The following CYB5A variants were observed in gnomAD, a reference collection of about 807,000 sequenced individuals.
CYB5A encodes cytochrome b5.
Under a neutral mutation model 16.2 loss-of-function variants are expected in CYB5A, and 10 were observed. The observed-to-expected ratio is 0.62, with a 90% confidence interval of 0.38 to 1.04. CYB5A has a LOEUF of 1.04. CYB5A is among the 50% of genes least tolerant of loss of function. The pLI is 0.01. For synonymous variants in CYB5A, 62 were observed against 57.0 expected (o/e 1.09, Z -0.40); for missense variants, 161 against 165.9 (o/e 0.97, Z 0.16).
chr18:74,274,451 C>T (rs754382852), intron 1 of CYB5A, among the ~76,000 whole-genome samples: 7 of 152,138 alleles, frequency 4.6e-5, no homozygotes, highest in Non-Finnish European at 1.0e-4. Context: ...CTACTTGATA[C>T]AGATGATTTC....
At chr18:74,262,537 AT>A (rs1209757765) in intron 2 of CYB5A, among the ~76,000 whole-genome samples, 1 of 152,106 alleles carries the variant, frequency 6.6e-6, no homozygotes, top group East Asian at 1.9e-4. Context: ...CAGAGCTGAT[AT>A]TCTCGAAGGT....
chr18:74,291,947 C>A lies in CYB5A; in HGVS notation c.-72G>T, dbSNP rs1983568460. 3.1e-6 allele frequency: 5 copies of A among 1,600,036 alleles called. No homozygotes were observed. Among genetic ancestry groups the A allele is most frequent in the Middle Eastern group, 2.1e-4 (1 of 4,724 alleles). ...GGAGCAGAGCGCGCGACTCAGCCAG[C>A]TCCACCCGGGACATTCCCCGCGCCG... On this transcript the variant is annotated 5_prime_UTR_variant, in exon 1 of 5. Transcript: ENST00000340533.
chr18:74,283,516 A>G (rs1447703858), intron 1 of CYB5A, among the ~76,000 whole-genome samples: 1 of 152,242 alleles, frequency 6.6e-6, no homozygotes, highest in East Asian at 1.9e-4. Context: ...AGAAGGCAAC[A>G]TAGTAAACTG....
intron 1 of CYB5A, among the ~76,000 whole-genome samples, chr18:74,284,287 T>TATGTGCA (rs1280332553): frequency 6.6e-5 from 10 of 151,668 alleles, no homozygotes; most frequent in Non-Finnish European, 1.2e-4. Flanking sequence ...AAGAAGGTTT[T>TATGTGCA]ATGTGCAAAA....
chr18:74,265,678 G>A (rs960096699), intron 1 of CYB5A, among the ~76,000 whole-genome samples: 16 of 152,296 alleles, frequency 1.1e-4, no homozygotes, highest in South Asian at 6.2e-4. Flanking sequence ...GTACAAGCAC[G>A]GCACCATCAT....
rs763970159 is a variant in CYB5A, at chr18:74,287,474, G to C, written c.129+4273C>G. On this transcript the variant is annotated intron_variant, in intron 1 of 4. Transcript: ENST00000340533. ...GCCATGTTCAATGGAAAATAACAAA[G>C]AGCAAGTCCCTACAATAAAACCTGC... 6.6e-5 allele frequency among the ~76,000 whole-genome samples: 10 copies of C among 152,252 alleles called. No individual in the cohort carries two copies. In the East Asian group the frequency reaches 1.7e-3, roughly 26 times the overall value.
chr18:74,269,344 G>T (rs1040964231), intron 1 of CYB5A, among the ~76,000 whole-genome samples: 4 of 116,392 alleles, frequency 3.4e-5, no homozygotes, highest in African/African-American at 1.1e-4. Context: ...ACAGTCTCCT[G>T]ATCGTCTACG....
rs1981774446 is a variant in CYB5A, at chr18:74,251,492, C to T, written c.*2092G>A. Reference sequence around the variant, plus strand: ...TTCCAAAGGAAGCAATCAGATATGCCTCTCTCTCAGTGAGCAGAGGCTTGA... The same window carrying T: ...TTCCAAAGGAAGCAATCAGATATGCTTCTCTCTCAGTGAGCAGAGGCTTGA... On this transcript the variant is annotated 3_prime_UTR_variant, in exon 5 of 5. Transcript: ENST00000340533. 1 of 152,146 alleles carries T rather than the reference C, an allele frequency of 6.6e-6. No homozygotes were observed. Among genetic ancestry groups the T allele is most frequent in the Non-Finnish European group, 1.5e-5 (1 of 68,040 alleles). The allele number at this position is 152,146 out of a possible 1,614,324, so 9.4% of individuals were successfully genotyped here. A position where few individuals can be genotyped will look rare whatever the true frequency, so the allele number is the denominator to read the frequency against.
intron 1 of CYB5A, among the ~76,000 whole-genome samples, chr18:74,281,008 C>T (rs896600880): frequency 6.6e-6 from 1 of 151,904 alleles, no homozygotes; most frequent in Non-Finnish European, 1.5e-5. Flanking sequence ...GAGGGGACCA[C>T]GCGAGAGAAG....
Position 74,261,096 on chromosome 18 carries a change from CTGATT to C in CYB5A, c.259-157_259-153del, listed in dbSNP as rs1158975184. 4 of 662,212 alleles carry C rather than the reference CTGATT, an allele frequency of 6.0e-6. No individual in the cohort carries two copies. The Admixed American group carries it at 6.9e-5, about 11-fold the overall frequency. 41.0% of individuals were successfully genotyped at this position (662,212 alleles called of 1,614,324 possible). On this transcript the variant is annotated intron_variant, in intron 2 of 4. Transcript: ENST00000340533. Reference sequence around the variant, plus strand: ...CTATTAAACACAAAGTTTGATCCATCTGATTTAACAGCAAAAATTAGTAGCAGATT... The same window carrying C: ...CTATTAAACACAAAGTTTGATCCATCTAACAGCAAAAATTAGTAGCAGATT...
At chr18:74,262,047 T>C (rs889529031) in intron 2 of CYB5A, among the ~76,000 whole-genome samples, 1 of 152,122 alleles carries the variant, frequency 6.6e-6, no homozygotes, top group African/African-American at 2.4e-5. Flanking sequence ...TCTTTCCAAG[T>C]TTTCAGCGAT....
intron 1 of CYB5A, among the ~76,000 whole-genome samples, chr18:74,275,008 C>T (rs527659603): frequency 2.6e-5 from 4 of 152,322 alleles, no homozygotes; most frequent in Non-Finnish European, 4.4e-5. Flanking sequence ...GCTGGGATCT[C>T]ATCCTCAAGT....
intron 1 of CYB5A, among the ~76,000 whole-genome samples, chr18:74,290,728 G>C (rs1983499926): frequency 2.6e-5 from 4 of 152,202 alleles, no homozygotes. Flanking sequence ...CATGCGTTAA[G>C]ATTTATGATT....
At chr18:74,278,046 T>C (rs2145071634) in intron 1 of CYB5A, among the ~76,000 whole-genome samples, 1 of 152,366 alleles carries the variant, frequency 6.6e-6, no homozygotes, top group African/African-American at 2.4e-5. Flanking sequence ...TAACATCTAA[T>C]AAATGCTCAC....
rs17804159 is a variant in CYB5A, at chr18:74,253,178, C to A, written c.*406G>T. 27,169 of 239,866 alleles carry A rather than the reference C, an allele frequency of 0.11. 1,804 individuals are homozygous for A. The highest frequency in any genetic ancestry group is 0.22 in the South Asian group (4,224 of 19,582). The allele number at this position is 239,866 out of a possible 1,614,324, so 14.9% of individuals were successfully genotyped here. A position where few individuals can be genotyped will look rare whatever the true frequency, so the allele number is the denominator to read the frequency against. ...AGGAGACACTCAAACCTATTTCCCGCACCTCCAGTCATATGGCCTCTGTGG... is the reference window on the plus strand; with the variant it reads ...AGGAGACACTCAAACCTATTTCCCGAACCTCCAGTCATATGGCCTCTGTGG... On this transcript the variant is annotated 3_prime_UTR_variant, in exon 5 of 5. Transcript: ENST00000340533.
intron 1 of CYB5A, among the ~76,000 whole-genome samples, chr18:74,275,469 G>T (rs886857182): frequency 6.6e-6 from 1 of 152,068 alleles, no homozygotes; most frequent in African/African-American, 2.4e-5. Context: ...AGAAGGGAGC[G>T]GGATGCAGTT....
At chr18:74,278,340 G>A (rs1202946206) in intron 1 of CYB5A, among the ~76,000 whole-genome samples, 1 of 152,208 alleles carries the variant, frequency 6.6e-6, no homozygotes, top group Admixed American at 6.5e-5. Context: ...CTACCCATCT[G>A]CAGGATTAAG....
intron 1 of CYB5A, among the ~76,000 whole-genome samples, chr18:74,283,201 G>A (rs2145080452): frequency 6.6e-6 from 1 of 152,292 alleles, no homozygotes; most frequent in African/African-American, 2.4e-5. Context: ...GAGGGCGAGA[G>A]ATGAGCGGGA....
At chr18:74,255,524 G>A (rs920469271) in intron 4 of CYB5A, among the ~76,000 whole-genome samples, 1 of 152,200 alleles carries the variant, frequency 6.6e-6, no homozygotes, top group African/African-American at 2.4e-5. Flanking sequence ...GGTGGATGCA[G>A]CCAGCCAGCT....
Sources: allele counts gnomAD v4.1 joint callset (sites outside exome capture counted in the v4.1 genomes callset), GRCh38; gene constraint gnomAD v4.1.1; transcripts MANE v1.5; gene names NCBI Gene and HGNC (gene_info 2026-07-23, HGNC 2026-07-21).